SLC25A26: variants seen among roughly 807,000 people sequenced by gnomAD.
SLC25A26 encodes solute carrier family 25 member 26.
SLC25A26 carries 36 observed loss-of-function variants against 37.8 expected under a neutral mutation model. That is an observed-to-expected ratio of 0.95 (90% CI 0.73 to 1.26). SLC25A26 has a LOEUF of 1.26. Among genes scored for constraint, SLC25A26 ranks in the 50% most tolerant of loss-of-function variants. The probability of loss-of-function intolerance (pLI) is 0.00; values close to 1 mark genes in which losing one functional copy is unlikely to be tolerated. For missense variants in SLC25A26, 390 were observed against 331.1 expected, an observed-to-expected ratio of 1.18 and a Z score of -1.38; for synonymous variants, 129 against 122.5, an observed-to-expected ratio of 1.05 and a Z score of -0.35.
chr3:66,295,067 T>C (rs1315013507), intron 5 of SLC25A26, among the ~76,000 whole-genome samples: 1 of 152,194 alleles, frequency 6.6e-6, no homozygotes, highest in Non-Finnish European at 1.5e-5. Context: ...AAAAGTTGAT[T>C]TATCTCATGC....
intron 3 of SLC25A26, among the ~76,000 whole-genome samples, chr3:66,259,550 C>A (rs1398262577): frequency 1.3e-5 from 2 of 152,092 alleles, no homozygotes. Flanking sequence ...TTACTGTCTC[C>A]CTACTTCTTC....
intron 5 of SLC25A26, among the ~76,000 whole-genome samples, chr3:66,325,949 T>C (rs377242636): frequency 2.0e-5 from 3 of 152,212 alleles, no homozygotes; most frequent in Non-Finnish European, 4.4e-5. Flanking sequence ...GTTGCAGTTG[T>C]CCAGGTGAAA....
chr3:66,204,135 A>T (rs943160475), intron 1 of SLC25A26, among the ~76,000 whole-genome samples: 5 of 152,136 alleles, frequency 3.3e-5, no homozygotes, highest in Admixed American at 6.6e-5. Context: ...CATGAAAATC[A>T]CGAGAATGGG....
chr3:66,205,737 ATTTG>A (rs1472697182), intron 1 of SLC25A26, among the ~76,000 whole-genome samples: 1 of 152,116 alleles, frequency 6.6e-6, no homozygotes, highest in African/African-American at 2.4e-5. Context: ...TGGAAGAATT[ATTTG>A]TTTATTCAGT....
At chr3:66,249,685 C>A (rs1678104) in intron 3 of SLC25A26, among the ~76,000 whole-genome samples, 66,826 of 152,058 alleles carry the variant, frequency 0.44, 15,697 homozygotes, top group African/African-American at 0.58. Context: ...ATTATCTCTC[C>A]CTTGCAGCTG....
chr3:66,183,737 A>G (rs2070761949), intron 1 of SLC25A26, among the ~76,000 whole-genome samples: 1 of 151,652 alleles, frequency 6.6e-6, no homozygotes, highest in Non-Finnish European at 1.5e-5. Flanking sequence ...TGAACCTCAC[A>G]CTGATTCTCA....
At chr3:66,283,270 G>A (rs1280554361) in intron 5 of SLC25A26, among the ~76,000 whole-genome samples, 1 of 152,052 alleles carries the variant, frequency 6.6e-6, no homozygotes, top group African/African-American at 2.4e-5. Flanking sequence ...ATTAGAAACT[G>A]TGAACTCTTT....
At chr3:66,321,330 G>C (rs749721915) in intron 5 of SLC25A26, among the ~76,000 whole-genome samples, 1 of 152,162 alleles carries the variant, frequency 6.6e-6, no homozygotes, top group Non-Finnish European at 1.5e-5. Flanking sequence ...TTTATAGCAT[G>C]ATGAGAATCT....
At chr3:66,255,492 TG>T (rs1030906776) in intron 3 of SLC25A26, among the ~76,000 whole-genome samples, 3 of 146,082 alleles carry the variant, frequency 2.1e-5, no homozygotes, top group East Asian at 1.9e-4. Flanking sequence ...GGAGGGAGCA[TG>T]TTTTTTTTTT....
intron 5 of SLC25A26, among the ~76,000 whole-genome samples, chr3:66,272,563 C>T (rs887645301): frequency 1.6e-4 from 25 of 151,962 alleles, no homozygotes; most frequent in South Asian, 8.3e-4. Context: ...ATCACGTTTG[C>T]GTGATTTTCC....
chr3:66,209,909 T>TTTATAC (rs2071259496), intron 1 of SLC25A26, among the ~76,000 whole-genome samples: 3 of 24,500 alleles, frequency 1.2e-4, no homozygotes, highest in African/African-American at 4.2e-4. Flanking sequence ...TATATATATA[T>TTTATAC]ATATATATAT....
chr3:66,264,742 G>T (rs1365547091), intron 5 of SLC25A26, among the ~76,000 whole-genome samples: 2 of 152,160 alleles, frequency 1.3e-5, no homozygotes, highest in Non-Finnish European at 2.9e-5. Flanking sequence ...GTTGGGGACC[G>T]CTGGTTTAAG....
chr3:66,298,008 A>C (rs546822829), intron 5 of SLC25A26, among the ~76,000 whole-genome samples: 1 of 152,360 alleles, frequency 6.6e-6, no homozygotes, highest in East Asian at 1.9e-4. Flanking sequence ...ATTGGTTCCC[A>C]AAGTACAGTC....
At chr3:66,304,558 T>C (rs1365311975) in intron 5 of SLC25A26, 2 of 443,624 alleles carry the variant, frequency 4.5e-6, no homozygotes, top group East Asian at 7.0e-5. Context: ...TAACAACCCC[T>C]GATTGCTGAA....
At chr3:66,140,379 C>A (rs535056783) in intron 1 of SLC25A26, among the ~76,000 whole-genome samples, 1 of 152,182 alleles carries the variant, frequency 6.6e-6, no homozygotes, top group East Asian at 1.9e-4. Context: ...GATAGCATCA[C>A]CAAGACAGCT....
chr3:66,139,282 C>G (rs1233544312), intron 1 of SLC25A26, among the ~76,000 whole-genome samples: 1 of 152,176 alleles, frequency 6.6e-6, no homozygotes, highest in Non-Finnish European at 1.5e-5. Flanking sequence ...GCATTAGCTT[C>G]TCTAATTCTG....
At chr3:66,217,841 C>T (rs1008596658), upstream of SLC25A26, among the ~76,000 whole-genome samples, 3 of 152,150 alleles carry the variant, frequency 2.0e-5, no homozygotes, top group Non-Finnish European at 2.9e-5. Flanking sequence ...TGAGCCACGG[C>T]GCCCAGCCTT....
intron 1 of SLC25A26, among the ~76,000 whole-genome samples, chr3:66,184,195 C>G (rs922706803): frequency 6.6e-6 from 1 of 152,082 alleles, no homozygotes; most frequent in Non-Finnish European, 1.5e-5. Flanking sequence ...CTTACCCTCA[C>G]TCTGAATTTG....
At chr3:66,229,457 A>G (rs902445611) in intron 1 of SLC25A26, among the ~76,000 whole-genome samples, 7 of 152,138 alleles carry the variant, frequency 4.6e-5, no homozygotes, top group Admixed American at 1.3e-4. Context: ...CAGTTCCCCC[A>G]TGCTGTTCTC....
Sources: allele counts gnomAD v4.1 joint callset (sites outside exome capture counted in the v4.1 genomes callset), GRCh38; gene constraint gnomAD v4.1.1; transcripts MANE v1.5; gene names NCBI Gene and HGNC (gene_info 2026-07-23, HGNC 2026-07-21).